CDYL: variants seen among roughly 807,000 people sequenced by gnomAD.
CDYL encodes chromodomain Y-like protein.
Under a neutral mutation model 47.3 loss-of-function variants are expected in CDYL, and 8 were observed. The observed-to-expected ratio is 0.17, with a 90% CI of 0.10 to 0.31. CDYL has a LOEUF of 0.31. Among genes scored for constraint, CDYL ranks in the 10% least tolerant of loss-of-function variants. The pLI is 1.00. For missense variants in CDYL, 471 were observed against 701.4 expected (o/e 0.67, Z 3.71); for synonymous variants, 266 against 265.0 (o/e 1.00, Z -0.04).
At chr6:4,837,144 A>G (rs1346091176) in intron 1 of CDYL, among the ~76,000 whole-genome samples, 3 of 152,244 alleles carry the variant, frequency 2.0e-5, no homozygotes, top group Non-Finnish European at 4.4e-5. Context: ...GTCAGTGGGT[A>G]TTACATGTTC....
chr6:4,858,301 C>G (rs973562975), intron 1 of CDYL, among the ~76,000 whole-genome samples: 2 of 152,194 alleles, frequency 1.3e-5, no homozygotes, highest in African/African-American at 4.8e-5. Flanking sequence ...CAGTACTAAA[C>G]CACCGTTTGA....
At chr6:4,739,845 C>G (rs958486238) in intron 3 of CDYL, among the ~76,000 whole-genome samples, 3 of 151,684 alleles carry the variant, frequency 2.0e-5, no homozygotes, top group Non-Finnish European at 2.9e-5. Context: ...CCCAGCTACT[C>G]GGGAGGCTGA....
chr6:4,896,238 GCTGGTGGAGCCC>G (rs750894835), intron 2 of CDYL, among the ~76,000 whole-genome samples: 11 of 152,242 alleles, frequency 7.2e-5, no homozygotes, highest in Non-Finnish European at 1.6e-4. Context: ...CAACTGCAAA[GCTGGTGGAGCCC>G]CTGACAGCAG....
chr6:4,943,770 TAA>T lies in CDYL; in HGVS notation c.1332+30_1332+31del, dbSNP rs34649909. Reference sequence around the variant, plus strand: ...GGAGGAGCATCTGTGAGTACCTTTTTAAAAAAAAAAAAAAAAAGTCATTCTAG... The same window carrying T: ...GGAGGAGCATCTGTGAGTACCTTTTTAAAAAAAAAAAAAAAGTCATTCTAG... On this transcript the variant is annotated intron_variant, in intron 5 of 6. Transcript: ENST00000397588. The T allele has an allele frequency of 8.1e-3, 9,516 of 1,170,092 alleles. No individual in the cohort carries two copies. The highest frequency in any genetic ancestry group is 0.015 in the South Asian group (982 of 64,286). 72.5% of individuals were successfully genotyped at this position (1,170,092 alleles called of 1,614,324 possible).
At chr6:4,746,895 T>G (rs1336753577) in intron 3 of CDYL, among the ~76,000 whole-genome samples, 1 of 152,054 alleles carries the variant, frequency 6.6e-6, no homozygotes, top group Non-Finnish European at 1.5e-5. Context: ...CCTCACCCCA[T>G]CTACTCTTGG....
chr6:4,901,134 A>G (rs546859220), intron 2 of CDYL, among the ~76,000 whole-genome samples: 5 of 152,104 alleles, frequency 3.3e-5, no homozygotes, highest in African/African-American at 1.2e-4. Flanking sequence ...CTTTGGGCTT[A>G]TATGAAGTAC....
Position 4,794,257 on chromosome 6 carries a change from G to A in CDYL, c.24+17450G>A, listed in dbSNP as rs78205781. Among the ~76,000 whole-genome samples, 311 of 152,200 alleles carry A rather than the reference G, an allele frequency of 2.0e-3. 1 individual carries two copies. Among genetic ancestry groups the A allele is most frequent in the African/African-American group, 7.3e-3 (304 of 41,532 alleles). On this transcript the variant is annotated intron_variant, in intron 1 of 6. Transcript: ENST00000397588. The stretch of plus-strand genomic sequence containing the variant: ...ACGTGGCCAGAGGAGGAGGAGAACC[G>A]AGAGATAGTGGTGCACTGGAAGAAA...
chr6:4,734,156 C>T (rs1398372272), intron 2 of CDYL, among the ~76,000 whole-genome samples: 2 of 151,960 alleles, frequency 1.3e-5, no homozygotes, highest in Non-Finnish European at 2.9e-5. Context: ...CTGCTGTTTC[C>T]CCTCTGGCGT....
chr6:4,719,145 G>T (rs567011332), intron 2 of CDYL, among the ~76,000 whole-genome samples: 54 of 151,898 alleles, frequency 3.6e-4, no homozygotes, highest in African/African-American at 1.3e-3. Context: ...GGCTGGTCTC[G>T]AACTCCTGAC....
intron 1 of CDYL, among the ~76,000 whole-genome samples, chr6:4,877,614 A>G (rs544199873): frequency 6.6e-6 from 1 of 152,230 alleles, no homozygotes; most frequent in Non-Finnish European, 1.5e-5. Context: ...TTTGTAATCA[A>G]AAATCAGTTG....
intron 3 of CDYL, among the ~76,000 whole-genome samples, chr6:4,755,210 G>A (rs1386884486): frequency 1.3e-5 from 2 of 150,976 alleles, no homozygotes; most frequent in South Asian, 2.1e-4. Context: ...ACAGGTGCCC[G>A]CCACCATGCC....
At chr6:4,900,816 T>TAG (rs1757021380) in intron 2 of CDYL, among the ~76,000 whole-genome samples, 2 of 91,966 alleles carry the variant, frequency 2.2e-5, no homozygotes, top group African/African-American at 8.4e-5. Flanking sequence ...TATATATATA[T>TAG]ATATATATAT....
chr6:4,881,460 C>T (rs1761760841), intron 1 of CDYL, among the ~76,000 whole-genome samples: 1 of 152,010 alleles, frequency 6.6e-6, no homozygotes, highest in South Asian at 2.1e-4. Flanking sequence ...CATCCCGGGC[C>T]TCAGAAATTC....
intron 1 of CDYL, among the ~76,000 whole-genome samples, chr6:4,817,748 T>C (rs549445916): frequency 2.6e-5 from 4 of 152,230 alleles, no homozygotes; most frequent in Non-Finnish European, 5.9e-5. Flanking sequence ...CTGTGTGTAC[T>C]AGGGTTTGTT....
chr6:4,842,091 T>C (rs912611082), intron 1 of CDYL, among the ~76,000 whole-genome samples: 1 of 143,440 alleles, frequency 7.0e-6, no homozygotes, highest in African/African-American at 2.5e-5. Flanking sequence ...ATATATTATT[T>C]ATATCATATA....
chr6:4,717,089 G>A (rs1757278855), intron 2 of CDYL, among the ~76,000 whole-genome samples: 1 of 152,128 alleles, frequency 6.6e-6, no homozygotes, highest in African/African-American at 2.4e-5. Flanking sequence ...ACCACAATCA[G>A]GAAGAAAAGG....
intron 3 of CDYL, among the ~76,000 whole-genome samples, chr6:4,749,363 G>A (rs13214322): frequency 4.1e-5 from 1 of 24,440 alleles, no homozygotes; most frequent in African/African-American, 4.9e-5. Context: ...TAGATGGATG[G>A]ATGGATGAAT....
intron 3 of CDYL, among the ~76,000 whole-genome samples, chr6:4,735,783 G>A (rs146878634): frequency 6.6e-6 from 1 of 152,080 alleles, no homozygotes; most frequent in African/African-American, 2.4e-5. Flanking sequence ...AAAAATAGTT[G>A]TACATATTTA....
chr6:4,773,204 C>G (rs6929349), upstream of CDYL: 4 of 457,126 alleles, frequency 8.8e-6, no homozygotes, highest in East Asian at 2.1e-4. The surrounding 1 kb of genome is among the most constrained non-coding windows in gnomAD (Gnocchi z 4.6). Flanking sequence ...TGCTGGTAGA[C>G]GTGTCTTTTA....
Sources: allele counts gnomAD v4.1 joint callset (sites outside exome capture counted in the v4.1 genomes callset), GRCh38; gene constraint gnomAD v4.1.1; non-coding constraint Gnocchi (gnomAD v3.1); transcripts MANE v1.5; gene names NCBI Gene and HGNC (gene_info 2026-07-23, HGNC 2026-07-21).